The following SORCS1 variants were observed in gnomAD, a reference collection of about 807,000 sequenced individuals.
SORCS1 encodes the protein VPS10 domain-containing receptor SorCS1.
A neutral mutation model predicts 146.1 loss-of-function variants in SORCS1; 60 were observed. The observed-to-expected ratio is 0.41, with a 90% CI of 0.33 to 0.51. SORCS1 has a LOEUF of 0.51. Among genes scored for constraint, SORCS1 ranks in the 20% least tolerant of loss-of-function variants. The probability of loss-of-function intolerance (pLI) is 0.21; values close to 1 mark genes in which losing one functional copy is unlikely to be tolerated. For synonymous variants in SORCS1, 637 were observed against 584.0 expected (o/e 1.09, Z -1.31); for missense variants, 1,352 against 1,487.6 (o/e 0.91, Z 1.50).
intron 6 of SORCS1, among the ~76,000 whole-genome samples, chr10:106,710,300 A>G (rs1854879147): frequency 6.6e-6 from 1 of 152,014 alleles, no homozygotes; most frequent in South Asian, 2.1e-4. Context: ...TACAAAAATG[A>G]GCTGGGCGCA....
chr10:106,762,755 T>C (rs531313774), intron 4 of SORCS1, among the ~76,000 whole-genome samples: 1 of 152,132 alleles, frequency 6.6e-6, no homozygotes, highest in South Asian at 2.1e-4. Flanking sequence ...GTACATTTCA[T>C]GTTTGATATA....
At chr10:106,800,774 C>T (rs1589910974) in intron 3 of SORCS1, among the ~76,000 whole-genome samples, 2 of 152,104 alleles carry the variant, frequency 1.3e-5, no homozygotes, top group East Asian at 3.9e-4. Flanking sequence ...ATCTCCTGAC[C>T]TTGTGATCTG....
At chr10:106,746,697 T>C (rs1249951244) in intron 5 of SORCS1, among the ~76,000 whole-genome samples, 3 of 152,252 alleles carry the variant, frequency 2.0e-5, no homozygotes, top group African/African-American at 4.8e-5. Flanking sequence ...AGCGTTCTTA[T>C]TTATTCTTGG....
In SORCS1 at chr10:106,639,233, T is replaced by G. The variant is rs186679174; in HGVS notation, c.2476-9845A>C. Among the ~76,000 whole-genome samples the G allele has an allele frequency of 2.0e-4, 31 of 152,322 alleles. 1 individual carries two copies. Among genetic ancestry groups the G allele is most frequent in the African/African-American group, 7.5e-4 (31 of 41,570 alleles). On this transcript the variant is annotated intron_variant, in intron 18 of 25. Transcript: ENST00000263054. ...ATTGCATGGTGTGGTGAAACCCTGATTCAGGGGTAGTGACCACCCATGTGG... is the reference window on the plus strand; with the variant it reads ...ATTGCATGGTGTGGTGAAACCCTGAGTCAGGGGTAGTGACCACCCATGTGG...
intron 1 of SORCS1, among the ~76,000 whole-genome samples, chr10:107,131,523 G>C (rs1169686086): frequency 6.6e-6 from 1 of 152,144 alleles, no homozygotes; most frequent in Non-Finnish European, 1.5e-5. Flanking sequence ...AGGAATTTGA[G>C]ACCAGCCTGG....
chr10:107,153,955 T>C (rs573933455), intron 1 of SORCS1, among the ~76,000 whole-genome samples: 24 of 151,778 alleles, frequency 1.6e-4, no homozygotes, highest in Admixed American at 2.6e-4. Context: ...TATATAATAA[T>C]TGAAAAAAAC....
chr10:106,799,212 C>T (rs912907441), intron 3 of SORCS1, among the ~76,000 whole-genome samples: 1 of 152,236 alleles, frequency 6.6e-6, no homozygotes, highest in South Asian at 2.1e-4. Context: ...TTCCTTACAC[C>T]TTATACAAAA....
At chr10:106,941,775 T>C (rs764637100) in intron 2 of SORCS1, among the ~76,000 whole-genome samples, 2 of 152,214 alleles carry the variant, frequency 1.3e-5, no homozygotes, top group Non-Finnish European at 2.9e-5. Flanking sequence ...TAAAAAATGG[T>C]GACTAGCAAG....
intron 17 of SORCS1, among the ~76,000 whole-genome samples, chr10:106,654,620 A>G (rs11193001): frequency 0.071 from 10,854 of 152,256 alleles, 460 homozygotes; most frequent in East Asian, 0.21. Context: ...AAATGTGGAA[A>G]TATCTGCATA....
intron 1 of SORCS1, among the ~76,000 whole-genome samples, chr10:106,998,810 AAAAGTTTAGGACTTTGC>A (rs1338695731): frequency 2.0e-5 from 3 of 152,230 alleles, no homozygotes; most frequent in African/African-American, 4.8e-5. Flanking sequence ...ACTGAGCTCC[AAAAGTTTAGGACTTTGC>A]AAAGATTAAT....
chr10:106,715,437 C>T (rs574142031), intron 6 of SORCS1, among the ~76,000 whole-genome samples: 5 of 152,310 alleles, frequency 3.3e-5, no homozygotes, highest in Admixed American at 3.3e-4. Flanking sequence ...AGGGAAGCTG[C>T]TTTTAAAAAG....
At chr10:106,745,086 G>A (rs774072852) in intron 5 of SORCS1, among the ~76,000 whole-genome samples, 4 of 152,068 alleles carry the variant, frequency 2.6e-5, no homozygotes, top group Admixed American at 6.6e-5. Context: ...TCAGAGCCAG[G>A]GCAGAGGGAC....
At chr10:107,014,789 A>T (rs907944131) in intron 1 of SORCS1, among the ~76,000 whole-genome samples, 7 of 152,208 alleles carry the variant, frequency 4.6e-5, no homozygotes, top group Non-Finnish European at 7.3e-5. Flanking sequence ...TTACTTTTTT[A>T]AATTTACCTT....
intron 1 of SORCS1, among the ~76,000 whole-genome samples, chr10:106,981,632 C>T (rs577156768): frequency 3.9e-5 from 6 of 152,252 alleles, no homozygotes; most frequent in African/African-American, 1.4e-4. Context: ...TCAGAGGACT[C>T]AAAAGAATAA....
chr10:106,920,448 G>T (rs183069415), intron 2 of SORCS1, among the ~76,000 whole-genome samples: 1 of 152,028 alleles, frequency 6.6e-6, no homozygotes, highest in Non-Finnish European at 1.5e-5. Flanking sequence ...TAAAATGTCC[G>T]GCTGAAGATA....
At chr10:107,112,362 T>C (rs1965755461) in intron 1 of SORCS1, among the ~76,000 whole-genome samples, 1 of 151,862 alleles carries the variant, frequency 6.6e-6, no homozygotes, top group Non-Finnish European at 1.5e-5. Context: ...CATGGTAAGG[T>C]AACCAGAAAG....
intron 24 of SORCS1, among the ~76,000 whole-genome samples, chr10:106,587,464 T>C (rs891210465): frequency 2.0e-5 from 3 of 152,274 alleles, no homozygotes; most frequent in Non-Finnish European, 4.4e-5. Context: ...TGACGAACGG[T>C]AATTCTCCCT....
intron 2 of SORCS1, among the ~76,000 whole-genome samples, chr10:106,850,049 G>T (rs1949486658): frequency 6.6e-6 from 1 of 152,136 alleles, no homozygotes; most frequent in Non-Finnish European, 1.5e-5. Context: ...GTTTGTCTGT[G>T]CCCTGCCCCC....
intron 3 of SORCS1, among the ~76,000 whole-genome samples, chr10:106,829,020 TAA>T (rs894080012): frequency 6.6e-6 from 1 of 152,200 alleles, no homozygotes; most frequent in Non-Finnish European, 1.5e-5. Flanking sequence ...TTCTTGAAGC[TAA>T]GATCCATGCT....
Sources: gnomAD v4.1 joint callset for allele counts (sites outside exome capture counted in the v4.1 genomes callset) on GRCh38, gnomAD v4.1.1 for gene constraint, MANE v1.5 for transcripts, NCBI Gene and HGNC (gene_info 2026-07-23, HGNC 2026-07-21) for gene names.